Variants in CA10 observed in about 807,000 individuals in gnomAD.
The protein encoded by CA10 is carbonic anhydrase-related protein 10.
CA10 carries 14 observed loss-of-function variants against 44.2 expected under a neutral mutation model. The observed-to-expected ratio is 0.32, with a 90% CI of 0.21 to 0.50. The LOEUF is 0.50. Ranked by LOEUF, CA10 falls within the 20% of genes least tolerant of loss-of-function variation. CA10 has a pLI of 0.99. For missense variants in CA10, 350 were observed against 409.7 expected (o/e 0.85, Z 1.26); for synonymous variants, 159 against 141.6 (o/e 1.12, Z -0.87).
chr17:51,678,660 G>A (rs1914714868), intron 4 of CA10, among the ~76,000 whole-genome samples: 1 of 152,164 alleles, frequency 6.6e-6, no homozygotes, highest in African/African-American at 2.4e-5. Context: ...TTCTAAGACA[G>A]GTGAACATCT....
At chr17:51,633,039 C>T (rs1912656083) in intron 8 of CA10, among the ~76,000 whole-genome samples, 1 of 152,170 alleles carries the variant, frequency 6.6e-6, no homozygotes, top group Non-Finnish European at 1.5e-5. Flanking sequence ...AGCTCTAATG[C>T]TTTTCACTGT....
chr17:51,839,280 C>A (rs937781445), intron 3 of CA10, among the ~76,000 whole-genome samples: 1 of 152,066 alleles, frequency 6.6e-6, no homozygotes, highest in Non-Finnish European at 1.5e-5. Flanking sequence ...ATCACGAGGT[C>A]AGGAGATCGA....
intron 1 of CA10, among the ~76,000 whole-genome samples, chr17:52,139,288 T>G (rs1215757530): frequency 6.6e-6 from 1 of 152,190 alleles, no homozygotes; most frequent in Non-Finnish European, 1.5e-5. Flanking sequence ...TTATGGCCTT[T>G]AGTTGTTTAC....
chr17:51,701,147 G>A lies in CA10; in HGVS notation c.465+46486C>T, dbSNP rs138544745. Among the ~76,000 whole-genome samples, 3 of 152,088 alleles carry A rather than the reference G, an allele frequency of 2.0e-5. No homozygotes were observed. In the East Asian group the frequency reaches 5.8e-4, roughly 29 times the overall value. On this transcript the variant is annotated intron_variant, in intron 4 of 8. Transcript: ENST00000451037. ...GGTGCTGGCAGGGTTGGTTCCTTCT[G>A]GAGGCTGGGAAGGGGATCTGTGCTA...
At chr17:52,082,934 C>T (rs2143179031) in intron 1 of CA10, among the ~76,000 whole-genome samples, 1 of 152,178 alleles carries the variant, frequency 6.6e-6, no homozygotes, top group South Asian at 2.1e-4. Context: ...AATATTGTAG[C>T]TCCTTTTTGT....
chr17:51,687,137 C>A (rs1256875615), intron 4 of CA10, among the ~76,000 whole-genome samples: 1 of 152,174 alleles, frequency 6.6e-6, no homozygotes, highest in East Asian at 1.9e-4. Flanking sequence ...CTACATCTTA[C>A]CTTTATGATC....
At chr17:52,069,021 T>C (rs1195329095) in intron 2 of CA10, among the ~76,000 whole-genome samples, 1 of 152,232 alleles carries the variant, frequency 6.6e-6, no homozygotes, top group Non-Finnish European at 1.5e-5. Context: ...GCTCCTGGCC[T>C]AAGGCTTCTG....
chr17:52,130,525 C>G (rs150628692), intron 1 of CA10, among the ~76,000 whole-genome samples: 6 of 152,104 alleles, frequency 3.9e-5, no homozygotes. Flanking sequence ...CTAGAGAACA[C>G]TACATTAATT....
At chr17:51,849,851 C>A (rs2143821140) in intron 3 of CA10, among the ~76,000 whole-genome samples, 1 of 152,228 alleles carries the variant, frequency 6.6e-6, no homozygotes, top group African/African-American at 2.4e-5. Flanking sequence ...AGAATGAGAC[C>A]ACTCTCTTTC....
intron 1 of CA10, among the ~76,000 whole-genome samples, chr17:52,130,637 C>T (rs117339814): frequency 3.3e-5 from 5 of 152,020 alleles, no homozygotes; most frequent in African/African-American, 9.7e-5. Context: ...TGGTTACTAG[C>T]GACTAGATGG....
chr17:51,790,551 A>G (rs987407488), intron 3 of CA10, among the ~76,000 whole-genome samples: 8 of 152,224 alleles, frequency 5.3e-5, no homozygotes, highest in South Asian at 2.1e-4. Flanking sequence ...GAATTCACCA[A>G]AAATGAACTG....
chr17:51,733,545 T>C (rs1200638966), intron 4 of CA10, among the ~76,000 whole-genome samples: 1 of 152,060 alleles, frequency 6.6e-6, no homozygotes, highest in East Asian at 1.9e-4. Flanking sequence ...CTAAGAAAAT[T>C]AAAATAATGT....
intron 2 of CA10, among the ~76,000 whole-genome samples, chr17:51,976,669 C>T (rs545375567): frequency 8.0e-5 from 12 of 150,222 alleles, no homozygotes; most frequent in Non-Finnish European, 1.2e-4. Flanking sequence ...GCTATAAAAG[C>T]AATGGTCTAA....
At chr17:51,826,932 C>T (rs1218480903) in intron 3 of CA10, among the ~76,000 whole-genome samples, 1 of 152,208 alleles carries the variant, frequency 6.6e-6, no homozygotes, top group Non-Finnish European at 1.5e-5. Flanking sequence ...GGTTTCTCTA[C>T]ACCCTGCACA....
At chr17:51,935,756 T>C (rs1982840285) in intron 2 of CA10, among the ~76,000 whole-genome samples, 1 of 152,152 alleles carries the variant, frequency 6.6e-6, no homozygotes, top group Admixed American at 6.5e-5. Context: ...AAGCAAAACT[T>C]ATCAGCTGCT....
intron 3 of CA10, among the ~76,000 whole-genome samples, chr17:51,836,635 C>T (rs571744122): frequency 9.2e-5 from 14 of 152,274 alleles, no homozygotes; most frequent in African/African-American, 2.4e-4. Context: ...TTCATGCATT[C>T]GCAAATGCTT....
At chr17:51,926,581 G>A (rs985925357) in intron 3 of CA10, among the ~76,000 whole-genome samples, 7 of 152,094 alleles carry the variant, frequency 4.6e-5, no homozygotes, top group African/African-American at 1.7e-4. Flanking sequence ...ATTCCTTCTG[G>A]AAGCTCCAAG....
chr17:51,896,169 G>A (rs1451156710), intron 3 of CA10, among the ~76,000 whole-genome samples: 1 of 151,978 alleles, frequency 6.6e-6, no homozygotes, highest in African/African-American at 2.4e-5. Context: ...GGAGTTTGGT[G>A]TACAAATTAT....
chr17:52,049,713 C>T (rs1381749754), intron 2 of CA10, among the ~76,000 whole-genome samples: 1 of 152,076 alleles, frequency 6.6e-6, no homozygotes, highest in Non-Finnish European at 1.5e-5. Flanking sequence ...CCTCAGACTT[C>T]TCCTGCCAAC....
Sources: gnomAD v4.1 joint callset for allele counts (sites outside exome capture counted in the v4.1 genomes callset) on GRCh38, gnomAD v4.1.1 for gene constraint, MANE v1.5 for transcripts, NCBI Gene and HGNC (gene_info 2026-07-23, HGNC 2026-07-21) for gene names.